Variants in LDHAL6A observed in about 807,000 individuals in gnomAD.
LDHAL6A encodes L-lactate dehydrogenase A-like 6A.
Under a neutral mutation model 28.2 loss-of-function variants are expected in LDHAL6A, and 19 were observed. That is an observed-to-expected ratio of 0.67 (90% CI 0.47 to 0.99). LDHAL6A has a LOEUF of 0.99. LDHAL6A is among the 50% of genes least tolerant of loss of function. The pLI is 0.00. For missense variants in LDHAL6A, 372 were observed against 398.6 expected (o/e 0.93, Z 0.57); for synonymous variants, 144 against 134.4 (o/e 1.07, Z -0.49).
At chr11:18,464,977 G>GTTTTTTGT (rs1849015131) in intron 2 of LDHAL6A, among the ~76,000 whole-genome samples, 8 of 125,486 alleles carry the variant, frequency 6.4e-5, no homozygotes, top group Admixed American at 4.2e-4. Context: ...TGTTTTTTTT[G>GTTTTTTGT]TTTTTTTTTG....
In LDHAL6A at chr11:18,479,010, C is replaced by CT. The variant is rs796410247; in HGVS notation, c.*152dup. The stretch of plus-strand genomic sequence containing the variant: ...TGACCTATTTAGTATAGCCTTCCAG[C>CT]TTTTTTTTTTTTCTTTTTTGGGAGG... On this transcript the variant is annotated 3_prime_UTR_variant, in exon 7 of 7. Transcript: ENST00000280706. 0.051 allele frequency: 27,585 copies of CT among 541,578 alleles called. 1 individual carries two copies. Among genetic ancestry groups the CT allele is most frequent in the South Asian group, 0.072 (2,678 of 37,140 alleles). 33.5% of individuals were successfully genotyped at this position (541,578 alleles called of 1,614,324 possible). A position where few individuals can be genotyped will look rare whatever the true frequency, so the allele number is the denominator to read the frequency against.
At chr11:18,472,308 C>T (rs955430451) in intron 3 of LDHAL6A, among the ~76,000 whole-genome samples, 2 of 152,148 alleles carry the variant, frequency 1.3e-5, no homozygotes, top group Non-Finnish European at 2.9e-5. Context: ...CTCTCCATCT[C>T]AGGTATTAGA....
chr11:18,464,977 G>GTGTTTTTTT (rs1849013557), intron 2 of LDHAL6A, among the ~76,000 whole-genome samples: 1 of 125,490 alleles, frequency 8.0e-6, no homozygotes, highest in Non-Finnish European at 1.6e-5. Flanking sequence ...TGTTTTTTTT[G>GTGTTTTTTT]TTTTTTTTTG....
At chr11:18,474,058 C>T (rs529667067) in intron 3 of LDHAL6A, among the ~76,000 whole-genome samples, 29 of 152,092 alleles carry the variant, frequency 1.9e-4, no homozygotes, top group African/African-American at 6.7e-4. Context: ...GGTGAAGCTT[C>T]TTCTTAAAGT....
At chr11:18,462,660 AAAAAAAC>A (rs1173211956) in intron 1 of LDHAL6A, among the ~76,000 whole-genome samples, 5 of 140,360 alleles carry the variant, frequency 3.6e-5, no homozygotes, top group African/African-American at 7.9e-5. Flanking sequence ...ACAAACAAAA[AAAAAAAC>A]AAAAAAAACC....
At chr11:18,474,721 C>T (rs1849331598) in intron 3 of LDHAL6A, among the ~76,000 whole-genome samples, 1 of 151,998 alleles carries the variant, frequency 6.6e-6, no homozygotes, top group African/African-American at 2.4e-5. Context: ...ATTTTTTAGG[C>T]TGGGCATGGT....
intron 1 of LDHAL6A, among the ~76,000 whole-genome samples, chr11:18,458,444 C>G (rs1411006822): frequency 6.6e-6 from 1 of 152,180 alleles, no homozygotes; most frequent in Non-Finnish European, 1.5e-5. Flanking sequence ...AGAGCCTTCC[C>G]AGTCACCTCC....
chr11:18,464,977 G>GTTTGTT (rs1849013732), intron 2 of LDHAL6A, among the ~76,000 whole-genome samples: 6 of 125,486 alleles, frequency 4.8e-5, no homozygotes, highest in Admixed American at 1.7e-4. Flanking sequence ...TGTTTTTTTT[G>GTTTGTT]TTTTTTTTTG....
chr11:18,462,400 G>A (rs1022823346), intron 1 of LDHAL6A, among the ~76,000 whole-genome samples: 86 of 151,882 alleles, frequency 5.7e-4, no homozygotes, highest in Admixed American at 7.9e-4. Context: ...CACTTTGGGA[G>A]GCAGAGGCGG....
chr11:18,460,192 G>A (rs779502793), intron 1 of LDHAL6A, among the ~76,000 whole-genome samples: 1 of 152,166 alleles, frequency 6.6e-6, no homozygotes, highest in Non-Finnish European at 1.5e-5. Flanking sequence ...CCTGCACTTT[G>A]GGAGACCAAG....
At chr11:18,471,762 TAAA>T (rs755779286) in intron 3 of LDHAL6A, among the ~76,000 whole-genome samples, 1 of 118,994 alleles carries the variant, frequency 8.4e-6, no homozygotes, top group Non-Finnish European at 1.7e-5. Flanking sequence ...CTGTCTCTAT[TAAA>T]AAAAAAAAAA....
rs1565077524 is a variant in LDHAL6A at position 18,478,699 on chromosome 11, C to G, written c.835-7C>G. The G allele has an allele frequency of 6.3e-7, 1 of 1,595,840 alleles. No individual in the cohort carries two copies. Among genetic ancestry groups the G allele is most frequent in the South Asian group, 1.1e-5 (1 of 87,992 alleles). On this transcript the variant is annotated splice_polypyrimidine_tract_variant and splice_region_variant and intron_variant, in intron 6 of 6. Transcript: ENST00000280706. ...AAAAGGAATAATTTTTAAGTCTTTACTTTCAGGGCCTCTATGGAATAAATG... is the reference window on the plus strand; with the variant it reads ...AAAAGGAATAATTTTTAAGTCTTTAGTTTCAGGGCCTCTATGGAATAAATG...
intron 3 of LDHAL6A, among the ~76,000 whole-genome samples, chr11:18,468,028 TATATATATAC>T (rs1565071692): frequency 3.6e-4 from 4 of 10,976 alleles, no homozygotes; most frequent in African/African-American, 8.1e-4. Flanking sequence ...TATATACGTA[TATATATATAC>T]ATATATATAC....
At chr11:18,470,460 C>CA (rs1849230694) in intron 3 of LDHAL6A, among the ~76,000 whole-genome samples, 2 of 152,118 alleles carry the variant, frequency 1.3e-5, no homozygotes, top group South Asian at 4.1e-4. Context: ...AAGTTCAAAT[C>CA]AGAGTTTTAA....
chr11:18,467,048 G>A (rs1405277442), intron 3 of LDHAL6A, among the ~76,000 whole-genome samples: 1 of 152,122 alleles, frequency 6.6e-6, no homozygotes, highest in East Asian at 1.9e-4. Context: ...TACATATAGA[G>A]GGGAAAAATC....
chr11:18,469,928 T>C (rs1271995069), intron 3 of LDHAL6A, among the ~76,000 whole-genome samples: 5 of 152,116 alleles, frequency 3.3e-5, no homozygotes, highest in Non-Finnish European at 7.4e-5. Context: ...CCCCGAATGA[T>C]AATTTTATTT....
At chr11:18,462,413 G>A (rs1054848220) in intron 1 of LDHAL6A, among the ~76,000 whole-genome samples, 21 of 151,710 alleles carry the variant, frequency 1.4e-4, no homozygotes, top group African/African-American at 4.3e-4. Flanking sequence ...AGAGGCGGGC[G>A]GATCACTAGG....
rs867447839 is a variant in LDHAL6A at position 18,457,218 on chromosome 11, C to T, written c.126+412C>T. On this transcript the variant is annotated intron_variant, in intron 1 of 6. Transcript: ENST00000280706. The stretch of plus-strand genomic sequence containing the variant: ...TCATTTAAATATCTCTCTCCCATTT[C>T]CTAGTCTGTATATCTTTATTTCCCT... Among the ~76,000 whole-genome samples the T allele has an allele frequency of 2.0e-5, 3 of 152,092 alleles. No individual in the cohort carries two copies. The South Asian group carries it at 6.2e-4, about 32-fold the overall frequency.
intron 2 of LDHAL6A, 112 bp downstream of exon 2, chr11:18,464,190 C>G: frequency 2.8e-6 from 2 of 711,826 alleles, no homozygotes; most frequent in South Asian, 3.3e-5. Context: ...AGGCTGGTTG[C>G]TCCCTACTCT....
Sources: gnomAD v4.1 joint callset for allele counts (sites outside exome capture counted in the v4.1 genomes callset) on GRCh38, gnomAD v4.1.1 for gene constraint, MANE v1.5 for transcripts, NCBI Gene and HGNC (gene_info 2026-07-23, HGNC 2026-07-21) for gene names.